CDK8: variants seen among roughly 807,000 people sequenced by gnomAD.
The protein encoded by CDK8 is cyclin dependent kinase 8.
CDK8 carries 29 observed loss-of-function variants against 71.5 expected under a neutral mutation model. The observed-to-expected ratio is 0.41, with a 90% CI of 0.30 to 0.55. CDK8 has a LOEUF of 0.55. CDK8 is among the 20% of genes least tolerant of loss of function. CDK8 has a pLI of 0.37. For missense variants in CDK8, 288 were observed against 572.6 expected (o/e 0.50, Z 5.07); for synonymous variants, 161 against 192.1 (o/e 0.84, Z 1.34).
chr13:26,286,494 C>T (rs1314944959), intron 1 of CDK8, among the ~76,000 whole-genome samples: 5 of 152,162 alleles, frequency 3.3e-5, no homozygotes. Context: ...TCATCTCTCA[C>T]CTTATACAAA....
rs150708971 is a variant in CDK8, at chr13:26,286,267, A to G, written c.128+31498A>G. On this transcript the variant is annotated intron_variant, in intron 1 of 12. Transcript: ENST00000381527. ...ATTATCTGACTTCAAGCTATATACT[A>G]CAAGGCTATAGTTACCAAAACAGTA... is the stretch of plus-strand genomic sequence containing the variant. Among the ~76,000 whole-genome samples, 19 of 152,366 alleles carry G rather than the reference A, an allele frequency of 1.2e-4. No individual in the cohort carries two copies. The East Asian group carries it at 3.7e-3, about 29-fold the overall frequency.
At chr13:26,366,132 T>C (rs1433888589) in intron 4 of CDK8, among the ~76,000 whole-genome samples, 1 of 152,148 alleles carries the variant, frequency 6.6e-6, no homozygotes, top group Non-Finnish European at 1.5e-5. Flanking sequence ...CTAAAGCTGT[T>C]ATCTAAACCT....
chr13:26,359,609 C>A (rs1874046117), intron 4 of CDK8: 1 of 221,072 alleles, frequency 4.5e-6, no homozygotes, highest in Non-Finnish European at 9.6e-6. Flanking sequence ...AGTTAAAACA[C>A]ATGGGCAAGG....
chr13:26,337,707 T>C (rs1258048344), intron 2 of CDK8, 65 bp downstream of exon 2: 4 of 616,770 alleles, frequency 6.5e-6, no homozygotes, highest in Admixed American at 6.0e-5. Context: ...TATATAAGGC[T>C]CTGTATTGTA....
intron 1 of CDK8, among the ~76,000 whole-genome samples, chr13:26,255,076 G>A (rs1871459624): frequency 6.6e-6 from 1 of 151,968 alleles, no homozygotes; most frequent in Admixed American, 6.5e-5. Flanking sequence ...CTAAAACGCC[G>A]GGTTAAATGT....
chr13:26,347,849 A>T (rs1202713992), intron 2 of CDK8, among the ~76,000 whole-genome samples: 1 of 152,168 alleles, frequency 6.6e-6, no homozygotes, highest in Non-Finnish European at 1.5e-5. Flanking sequence ...GCAGATGGGA[A>T]TGTAAAATGG....
chr13:26,383,278 A>G (rs1875319442), intron 5 of CDK8, among the ~76,000 whole-genome samples: 1 of 152,210 alleles, frequency 6.6e-6, no homozygotes, highest in Non-Finnish European at 1.5e-5. Flanking sequence ...GACCTCGTCT[A>G]GATTAGGAGT....
chr13:26,286,940 A>G (rs1873051048), intron 1 of CDK8, among the ~76,000 whole-genome samples: 1 of 152,190 alleles, frequency 6.6e-6, no homozygotes, highest in Non-Finnish European at 1.5e-5. Context: ...GCAAATCAAA[A>G]CCATAAGGAG....
chr13:26,262,023 A>T (rs1886253), intron 1 of CDK8, among the ~76,000 whole-genome samples: 2 of 151,952 alleles, frequency 1.3e-5, no homozygotes, highest in South Asian at 4.1e-4. Flanking sequence ...AACTTAGACC[A>T]CTCTGACCTT....
chr13:26,333,847 T>C (rs1872863487), intron 1 of CDK8, among the ~76,000 whole-genome samples: 1 of 152,208 alleles, frequency 6.6e-6, no homozygotes, highest in South Asian at 2.1e-4. Context: ...TAACCATTCA[T>C]TTAATCTGAC....
intron 1 of CDK8, among the ~76,000 whole-genome samples, chr13:26,328,643 T>A (rs562968698): frequency 1.7e-4 from 26 of 152,308 alleles, no homozygotes. Context: ...TTGTTACCCA[T>A]CCCCACTGGA....
At chr13:26,362,553 C>T (rs1180004643) in intron 4 of CDK8, among the ~76,000 whole-genome samples, 3 of 152,176 alleles carry the variant, frequency 2.0e-5, no homozygotes, top group African/African-American at 7.2e-5. Flanking sequence ...GGTATCCCAG[C>T]TCCAGAGGAA....
Position 26,323,334 on chromosome 13 carries a change from A to G in CDK8, c.129-14233A>G, listed in dbSNP as rs71425156. On this transcript the variant is annotated intron_variant, in intron 1 of 12. Transcript: ENST00000381527. ...GAGAGAGAGAGAGAGAGAGGGAGAG[A>G]GAGAGGGAGAGGGAGAGGGAGAGGG... 6.3e-3 allele frequency among the ~76,000 whole-genome samples: 797 copies of G among 126,646 alleles called. 14 individuals carry two copies. Among genetic ancestry groups the G allele is most frequent in the African/African-American group, 0.024 (691 of 29,014 alleles). 83.1% of individuals were successfully genotyped at this position (126,646 alleles called of 152,430 possible). A position where few individuals can be genotyped will look rare whatever the true frequency, so the allele number is the denominator to read the frequency against.
chr13:26,356,826 A>G (rs1018970248), intron 4 of CDK8, among the ~76,000 whole-genome samples: 5 of 152,172 alleles, frequency 3.3e-5, no homozygotes, highest in South Asian at 2.1e-4. Flanking sequence ...CCCTATCAAA[A>G]CAAAAATTAA....
chr13:26,320,256 A>G (rs1157753760), intron 1 of CDK8, among the ~76,000 whole-genome samples: 1 of 151,870 alleles, frequency 6.6e-6, no homozygotes, highest in Admixed American at 6.6e-5. Context: ...TAAAAAAGAA[A>G]AAAAAAAGGC....
intron 1 of CDK8, among the ~76,000 whole-genome samples, chr13:26,308,265 AGCAG>A (rs1169573591): frequency 6.6e-6 from 1 of 152,238 alleles, no homozygotes; most frequent in Non-Finnish European, 1.5e-5. Context: ...TATTGGACAG[AGCAG>A]GCATAGGACA....
chr13:26,333,444 T>C (rs7331984), intron 1 of CDK8, among the ~76,000 whole-genome samples: 102 of 152,264 alleles, frequency 6.7e-4, no homozygotes, highest in African/African-American at 2.2e-3. Context: ...CCGGCTGATA[T>C]GCTGTATTTT....
intron 1 of CDK8, among the ~76,000 whole-genome samples, chr13:26,308,419 T>C (rs1785513208): frequency 6.6e-6 from 1 of 152,248 alleles, no homozygotes; most frequent in Non-Finnish European, 1.5e-5. Flanking sequence ...AAATCCCAGC[T>C]AGCTCTGTGA....
At chr13:26,381,319 C>T (rs1000596417) in intron 4 of CDK8, among the ~76,000 whole-genome samples, 2 of 151,992 alleles carry the variant, frequency 1.3e-5, no homozygotes, top group East Asian at 1.9e-4. Context: ...TGAAGTAGGC[C>T]GGGCCCTAAG....
Sources: allele counts gnomAD v4.1 joint callset (sites outside exome capture counted in the v4.1 genomes callset), GRCh38; gene constraint gnomAD v4.1.1; transcripts MANE v1.5; gene names NCBI Gene and HGNC (gene_info 2026-07-23, HGNC 2026-07-21).